Variants in AKAP13 observed in about 807,000 individuals in gnomAD.
The protein encoded by AKAP13 is A-kinase anchoring protein 13.
Under a neutral mutation model 264.5 loss-of-function variants are expected in AKAP13, and 80 were observed. That is an observed-to-expected ratio of 0.30 (90% CI 0.25 to 0.36). AKAP13 has a LOEUF of 0.36. Ranked by LOEUF, AKAP13 falls within the 10% of genes least tolerant of loss-of-function variation. AKAP13 has a pLI of 1.00. For synonymous variants in AKAP13, 1,380 were observed against 1,250.2 expected, an observed-to-expected ratio of 1.10 and a Z score of -2.19; for missense variants, 3,712 against 3,435.2, an observed-to-expected ratio of 1.08 and a Z score of -2.01.
intron 30 of AKAP13, among the ~76,000 whole-genome samples, chr15:85,733,939 G>A (rs1187514314): frequency 4.0e-5 from 5 of 124,776 alleles, no homozygotes; most frequent in Admixed American, 1.8e-4. Context: ...GTGCAATGGT[G>A]CGATCTTGGC....
intron 5 of AKAP13, among the ~76,000 whole-genome samples, chr15:85,574,493 G>A (rs186906418): frequency 1.3e-5 from 2 of 152,312 alleles, no homozygotes; most frequent in East Asian, 3.9e-4. Context: ...GAGCAAACTT[G>A]CTTGTTTTTT....
chr15:85,441,850 T>A lies in AKAP13; in HGVS notation c.-11-43860T>A, dbSNP rs1382029143. Among the ~76,000 whole-genome samples the A allele has an allele frequency of 2.0e-5, 3 of 152,160 alleles. No individual in the cohort carries two copies. The South Asian group carries it at 6.2e-4, about 32-fold the overall frequency. ...CACACGCCTTCATTTTCTGACTGAA[T>A]TGGGAGAAGAGGGAGGAAAGGAGTT... On this transcript the variant is annotated intron_variant, in intron 1 of 36. Transcript: ENST00000394518.
chr15:85,463,067 G>A (rs188204557), intron 1 of AKAP13, among the ~76,000 whole-genome samples: 131 of 148,776 alleles, frequency 8.8e-4, no homozygotes, highest in Non-Finnish European at 1.2e-3. Context: ...TACAGGATAA[G>A]TTTAATAGCA....
At chr15:85,647,910 A>C (rs1409372966) in intron 10 of AKAP13, among the ~76,000 whole-genome samples, 1 of 152,224 alleles carries the variant, frequency 6.6e-6, no homozygotes, top group Non-Finnish European at 1.5e-5. Flanking sequence ...CCTGGGCGAC[A>C]GAGCGAGACT....
chr15:85,744,230 G>A (rs2089280134), intron 36 of AKAP13: 1 of 293,336 alleles, frequency 3.4e-6, no homozygotes, highest in African/African-American at 2.2e-5. Flanking sequence ...GGAAACTGAG[G>A]CTCACAGAGG....
intron 1 of AKAP13, among the ~76,000 whole-genome samples, chr15:85,394,115 T>C (rs976824416): frequency 3.9e-5 from 6 of 152,228 alleles, no homozygotes; most frequent in African/African-American, 7.2e-5. Flanking sequence ...GTGTAAACTA[T>C]ATAGGAAGTT....
chr15:85,670,649 G>C (rs2083876456), intron 14 of AKAP13: 1 of 151,764 alleles, frequency 6.6e-6, no homozygotes, highest in Non-Finnish European at 1.5e-5. Context: ...TTCCTCAGTT[G>C]ATCTCTGTCT....
intron 8 of AKAP13, chr15:85,635,005 G>A (rs1222173043): frequency 1.0e-5 from 4 of 397,558 alleles, no homozygotes; most frequent in Middle Eastern, 6.2e-4. Flanking sequence ...CTAGTTTGGA[G>A]CTCTCATGAA....
In AKAP13 at chr15:85,580,168, A is replaced by T. The variant is rs141904129; in HGVS notation, c.2100A>T (p.Ser700=). The part of the protein sequence containing the change: ...SESTTARQPS[S]QDPPDASHCE... Reference sequence around the variant, plus strand: ...GCACCACAGCAAGGCAACCCAGCTCACAAGATCCACCCGATGCCTCCCACT... The same window carrying T: ...GCACCACAGCAAGGCAACCCAGCTCTCAAGATCCACCCGATGCCTCCCACT... The change falls in exon 7 of 37, where the codon TCA becomes TCT. Residue 700 remains serine, a synonymous_variant. Transcript: ENST00000394518. 18 of 1,614,004 alleles carry T rather than the reference A, an allele frequency of 1.1e-5. No homozygotes were observed. In the African/African-American group the frequency reaches 1.3e-4, roughly 12 times the overall value.
intron 1 of AKAP13, among the ~76,000 whole-genome samples, chr15:85,471,555 T>G (rs540836401): frequency 3.8e-4 from 58 of 152,312 alleles, no homozygotes; most frequent in Middle Eastern, 3.4e-3. Context: ...TTAAACACAA[T>G]AAAATTCACC....
chr15:85,739,303 T>C (rs527602439), intron 33 of AKAP13, among the ~76,000 whole-genome samples: 3 of 152,344 alleles, frequency 2.0e-5, no homozygotes, highest in South Asian at 4.1e-4. Flanking sequence ...ATCATTCTTA[T>C]TAAGTTTTTG....
intron 10 of AKAP13, among the ~76,000 whole-genome samples, chr15:85,655,200 A>C (rs2151518327): frequency 1.3e-5 from 2 of 152,100 alleles, no homozygotes; most frequent in East Asian, 3.9e-4. Flanking sequence ...AAAAACAAAC[A>C]AAAAAAAGAG....
chr15:85,690,834 T>G (rs1178051752), intron 16 of AKAP13, among the ~76,000 whole-genome samples: 1 of 152,230 alleles, frequency 6.6e-6, no homozygotes, highest in Non-Finnish European at 1.5e-5. Context: ...TAATTTCAGC[T>G]TGAGCAGTTA....
intron 33 of AKAP13, among the ~76,000 whole-genome samples, chr15:85,738,844 CAAAAAAAAAAAA>C (rs71468137): frequency 1.4e-5 from 1 of 72,426 alleles, no homozygotes; most frequent in Non-Finnish European, 2.5e-5. Context: ...GACTCCGTCT[CAAAAAAAAAAAA>C]AAAAAAAAAA....
chr15:85,731,459 A>G (rs1403834339), intron 30 of AKAP13, among the ~76,000 whole-genome samples: 4 of 152,056 alleles, frequency 2.6e-5, no homozygotes, highest in African/African-American at 4.8e-5. Flanking sequence ...TCTTTGAACA[A>G]TCTGAGCTTT....
At chr15:85,646,240 T>A (rs1374131193) in intron 10 of AKAP13, among the ~76,000 whole-genome samples, 2 of 152,144 alleles carry the variant, frequency 1.3e-5, no homozygotes, top group African/African-American at 4.8e-5. Flanking sequence ...TTTGGGAGGC[T>A]GAGGTGGGCG....
chr15:85,475,358 G>C (rs559954034), intron 1 of AKAP13, among the ~76,000 whole-genome samples: 2 of 152,164 alleles, frequency 1.3e-5, no homozygotes, highest in African/African-American at 4.8e-5. Flanking sequence ...ACAGGATACA[G>C]CTGGTGGCAA....
intron 1 of AKAP13, among the ~76,000 whole-genome samples, chr15:85,420,892 T>C (rs181351590): frequency 1.3e-5 from 2 of 152,254 alleles, no homozygotes; most frequent in East Asian, 3.9e-4. Context: ...GAGGCCAGAC[T>C]GGGCAACATG....
At chr15:85,664,895 A>C in intron 13 of AKAP13, 140 bp downstream of exon 13, 1 of 791,094 alleles carries the variant, frequency 1.3e-6, no homozygotes, top group Non-Finnish European at 1.9e-6. Flanking sequence ...CACTAAACCA[A>C]GTGTTTAGCA....
Sources: gnomAD v4.1 joint callset for allele counts (sites outside exome capture counted in the v4.1 genomes callset) on GRCh38, gnomAD v4.1.1 for gene constraint, MANE v1.5 for transcripts, NCBI Gene and HGNC (gene_info 2026-07-23, HGNC 2026-07-21) for gene names.